SPATA22: variants seen among roughly 807,000 people sequenced by gnomAD.
SPATA22 encodes the protein spermatogenesis-associated protein 22.
In SPATA22, 29 loss-of-function variants were observed where a neutral mutation model predicts 47.8. The observed-to-expected ratio is 0.61, with a 90% CI of 0.45 to 0.83. SPATA22 has a LOEUF of 0.83. SPATA22 is among the 40% of genes least tolerant of loss of function. SPATA22 has a pLI of 0.00. For missense variants in SPATA22, 410 were observed against 421.7 expected, an observed-to-expected ratio of 0.97 and a Z score of 0.24; for synonymous variants, 133 against 140.9, an observed-to-expected ratio of 0.94 and a Z score of 0.40.
chr17:3,496,862 C>T (rs190295122), intron 1 of SPATA22, among the ~76,000 whole-genome samples: 155 of 152,110 alleles, frequency 1.0e-3, no homozygotes, highest in Non-Finnish European at 1.6e-3. Context: ...GTCAGGAGAT[C>T]GAGACCATCC....
chr17:3,448,664 C>T (rs1430730994), intron 6 of SPATA22, 143 bp downstream of exon 6: 2 of 618,578 alleles, frequency 3.2e-6, no homozygotes. Flanking sequence ...TCATCCACTT[C>T]AATGGAACTG....
At chr17:3,440,595 A>T in intron 8 of SPATA22, 1 of 280,070 alleles carries the variant, frequency 3.6e-6, no homozygotes, top group Non-Finnish European at 6.6e-6. Flanking sequence ...AATAATCCCC[A>T]GTGTAATGAC....
intron 1 of SPATA22, among the ~76,000 whole-genome samples, chr17:3,469,934 A>G (rs894141791): frequency 1.3e-5 from 2 of 152,050 alleles, no homozygotes; most frequent in African/African-American, 4.8e-5. Flanking sequence ...TCTCTACTAA[A>G]AATACAAAAT....
intron 8 of SPATA22, 88 bp downstream of exon 8, chr17:3,443,086 A>C: frequency 1.1e-6 from 1 of 927,758 alleles, no homozygotes; most frequent in Non-Finnish European, 1.6e-6. Flanking sequence ...TAAATTGTTA[A>C]CAGAATTTAT....
In SPATA22 at chr17:3,485,895, G is replaced by A. The variant is rs1386627826; in HGVS notation, c.-73-16497C>T. ...AGGGTGACATAGAGAGAGCCAGATG[G>A]CAGCTATCCATGCCAGTGGTTGCAT... On this transcript the variant is annotated intron_variant, in intron 1 of 8. Coordinates refer to the SPATA22 transcript ENST00000541913. The surrounding 1 kb of genome is among the most constrained non-coding windows in gnomAD (Gnocchi z 4.4). Among the ~76,000 whole-genome samples, 1 of 151,292 alleles carries A rather than the reference G, an allele frequency of 6.6e-6. No homozygotes were observed. The highest frequency in any genetic ancestry group is 1.5e-5 in the Non-Finnish European group (1 of 67,970).
In SPATA22 at chr17:3,483,585, T is replaced by C. The variant is rs1459390009; in HGVS notation, c.-73-14187A>G. ...CGACCACTCGTTCCATAGCCAAGTA[T>C]CCTGTGGGTAAGTCATAGTTCCCAC... On this transcript the variant is annotated intron_variant, in intron 1 of 8. Transcript: ENST00000541913. 4 of 1,612,204 alleles carry C rather than the reference T, an allele frequency of 2.5e-6. No individual in the cohort carries two copies. The highest frequency in any genetic ancestry group is 3.4e-6 in the Non-Finnish European group (4 of 1,178,326).
intron 7 of SPATA22, among the ~76,000 whole-genome samples, chr17:3,443,491 T>C (rs1482865275): frequency 1.3e-5 from 2 of 152,024 alleles, no homozygotes; most frequent in Non-Finnish European, 2.9e-5. Context: ...GAACAGATTA[T>C]ATGCCAAGCT....
At position 3,490,469 on chromosome 17, in the gene SPATA22, G is replaced by T. The variant is rs919420272; in HGVS notation, c.-73-21071C>A. Among the ~76,000 whole-genome samples, 7 of 152,148 alleles carry T rather than the reference G, an allele frequency of 4.6e-5. No homozygotes were observed. Among genetic ancestry groups the T allele is most frequent in the African/African-American group, 1.7e-4 (7 of 41,430 alleles). ...AGTTGAAATTGTTGTTGAGGAATGG[G>T]CAATTATAATAACAGAGGGGGTGTG... On this transcript the variant is annotated intron_variant, in intron 1 of 8. Transcript: ENST00000541913. The surrounding 1 kb of genome is among the most constrained non-coding windows in gnomAD (Gnocchi z 4.6).
At position 3,440,242 on chromosome 17, in the gene SPATA22, G is replaced by C. The variant is rs753216741; in HGVS notation, c.997C>G (p.Pro333Ala). 4 of 1,611,670 alleles carry C rather than the reference G, an allele frequency of 2.5e-6. No individual in the cohort carries two copies. The Admixed American group carries it at 6.7e-5, about 27-fold the overall frequency. The change falls in exon 9 of 9, where the codon CCG (proline) becomes GCG (alanine). Residue 333 changes from proline to alanine, a missense_variant. Pro to Ala is a conservative substitution (Grantham distance 27). Coordinates refer to ENST00000572969, the MANE Select transcript of SPATA22 (RefSeq NM_001170698.2). ...KNIFQCVSVRPASVSEQKTFQ... is the reference protein window; with the variant it reads ...KNIFQCVSVRAASVSEQKTFQ... The stretch of plus-strand genomic sequence containing the variant: ...GTTTTTTGTTCAGAAACAGACGCCG[G>C]TCTGACAGAAACACATTGGAAAATG...
intron 1 of SPATA22, chr17:3,471,393 C>G: frequency 1.0e-6 from 1 of 981,828 alleles, no homozygotes; most frequent in South Asian, 4.7e-5. Context: ...ATTCCACCCG[C>G]GGGACCATTG....
chr17:3,494,873 C>T (rs1310447561), intron 1 of SPATA22, among the ~76,000 whole-genome samples: 3 of 152,110 alleles, frequency 2.0e-5, no homozygotes, highest in Non-Finnish European at 2.9e-5. Context: ...AATACAGGGA[C>T]GGAAGTTAGA....
intron 1 of SPATA22, among the ~76,000 whole-genome samples, chr17:3,483,106 G>A (rs1309462691): frequency 6.6e-6 from 1 of 151,906 alleles, no homozygotes; most frequent in Non-Finnish European, 1.5e-5. Context: ...CATCTGTAGA[G>A]AGCTGGACCA....
intron 1 of SPATA22, among the ~76,000 whole-genome samples, chr17:3,493,560 C>CAAAAAAAAAAAAAA (rs746229421): frequency 3.5e-5 from 2 of 56,366 alleles, no homozygotes; most frequent in African/African-American, 7.4e-5. Context: ...GGTTCCATCT[C>CAAAAAAAAAAAAAA]AAAAAAAAAA....
At chr17:3,476,103 A>G, upstream of SPATA22, 1 of 1,519,142 alleles carries the variant, frequency 6.6e-7, no homozygotes, top group South Asian at 1.1e-5. Flanking sequence ...AAGAAAATCG[A>G]ATTTCCTTTG....
At position 3,443,278 on chromosome 17, in the gene SPATA22, A is replaced by C; in HGVS notation, c.803-7T>G. On this transcript the variant is annotated splice_polypyrimidine_tract_variant and splice_region_variant and intron_variant, in intron 7 of 8. Transcript: ENST00000572969. ...ACAGCTGAATCAAGAACAGCTAAGCAATATTGAAATGGGGGAAAAAATGAA... is the reference window on the plus strand; with the variant it reads ...ACAGCTGAATCAAGAACAGCTAAGCCATATTGAAATGGGGGAAAAAATGAA... 1.3e-6 allele frequency: 2 copies of C among 1,578,292 alleles called. No individual in the cohort carries two copies. Among genetic ancestry groups the C allele is most frequent in the Non-Finnish European group, 1.7e-6 (2 of 1,162,928 alleles).
At chr17:3,464,312 C>G (rs1460269432) in intron 3 of SPATA22, among the ~76,000 whole-genome samples, 1 of 149,194 alleles carries the variant, frequency 6.7e-6, no homozygotes, top group South Asian at 2.1e-4. Flanking sequence ...AGTGCAGTGG[C>G]GTGATCTCGG....
At chr17:3,475,966 C>T (rs1374700130), upstream of SPATA22, 7 of 604,270 alleles carry the variant, frequency 1.2e-5, no homozygotes, top group South Asian at 1.2e-4. Flanking sequence ...AAGGGCAGGG[C>T]TAAAGAAGGG....
intron 1 of SPATA22, chr17:3,489,130 A>G (rs2150753416): frequency 1.3e-6 from 1 of 771,548 alleles, no homozygotes; most frequent in Non-Finnish European, 2.2e-6. Flanking sequence ...TACCTTTTTA[A>G]TAATTTTAAC....
chr17:3,513,430 C>G (rs1307182720), exon 1 of SPATA22: 1 of 155,782 alleles, frequency 6.4e-6, no homozygotes, highest in Admixed American at 6.2e-5. Context: ...CCCGCACACT[C>G]TGGGATGGGA....
Sources: allele counts gnomAD v4.1 joint callset (sites outside exome capture counted in the v4.1 genomes callset), GRCh38; gene constraint gnomAD v4.1.1; non-coding constraint Gnocchi (gnomAD v3.1); transcripts MANE v1.5; gene names NCBI Gene and HGNC (gene_info 2026-07-23, HGNC 2026-07-21).